Variants in BMP8A observed in about 807,000 individuals in gnomAD.
The protein encoded by BMP8A is bone morphogenetic protein 8a.
BMP8A carries 14 observed loss-of-function variants against 36.8 expected under a neutral mutation model. The observed-to-expected ratio is 0.38, with a 90% CI of 0.25 to 0.60. The LOEUF (loss-of-function observed/expected upper bound fraction) is 0.60. Ranked by LOEUF, BMP8A falls within the 20% of genes least tolerant of loss-of-function variation. BMP8A has a pLI of 0.63. For synonymous variants in BMP8A, 120 were observed against 237.7 expected, an observed-to-expected ratio of 0.50 and a Z score of 4.55; for missense variants, 267 against 551.1, an observed-to-expected ratio of 0.48 and a Z score of 5.16.
chr1:39,514,352 G>A (rs1277673613), intron 3 of BMP8A, among the ~76,000 whole-genome samples: 1,299 of 141,350 alleles, frequency 9.2e-3, no homozygotes, highest in African/African-American at 0.034. Flanking sequence ...GGGGGATGCA[G>A]AGGACAAGAC....
chr1:39,492,365 T>G, intron 1 of BMP8A, 40 bp downstream of exon 1: 1 of 1,497,576 alleles, frequency 6.7e-7, no homozygotes, highest in East Asian at 2.6e-5. Flanking sequence ...CGGAGTAAGC[T>G]GGCTGCAGGG....
intron 1 of BMP8A, among the ~76,000 whole-genome samples, chr1:39,496,053 C>T (rs1645202525): frequency 6.6e-6 from 1 of 152,142 alleles, no homozygotes; most frequent in Non-Finnish European, 1.5e-5. Context: ...GGACCTGGCC[C>T]GGGTCCTGCT....
In BMP8A at chr1:39,492,292, C is replaced by T. The variant is rs755720599; in HGVS notation, c.301C>T (p.Arg101Cys). Residue 101 changes from arginine to cysteine, a missense_variant, in exon 1 of 7, where the codon CGC becomes TGC. Transcript: ENST00000331593. ...CGCGCCCGCGGAGCAGCGCCTGGGC[C>T]GCGCCGACCTGGTCATGAGCTTCGT... ...DGAPAEQRLG[R>C]ADLVMSFVNM... The T allele has an allele frequency of 2.5e-5, 39 of 1,563,770 alleles. No homozygotes were observed. The highest frequency in any genetic ancestry group is 4.3e-5 in the African/African-American group (3 of 70,330).
intron 6 of BMP8A, 84 bp downstream of exon 6, chr1:39,523,201 G>A: frequency 6.8e-7 from 1 of 1,469,644 alleles, no homozygotes. Flanking sequence ...CGGGAGGGCA[G>A]TGAGGCCACC....
chr1:39,497,254 C>T (rs747879001), intron 1 of BMP8A, among the ~76,000 whole-genome samples: 10 of 152,162 alleles, frequency 6.6e-5, no homozygotes, highest in Non-Finnish European at 8.8e-5. Context: ...TTTAATCTTG[C>T]GTGTGCCATT....
In BMP8A at chr1:39,526,289, T is replaced by C. The variant is rs187983712; in HGVS notation, c.*491T>C. Among the ~76,000 whole-genome samples the C allele has an allele frequency of 2.6e-3, 393 of 152,176 alleles. No individual in the cohort carries two copies. The highest frequency in any genetic ancestry group is 3.9e-3 in the Admixed American group (60 of 15,278). ...CTTCTCATTTGGTCCAGGGTGCAGTTAGCATATTAGAAAAAGAATAAGCTG... is the reference window on the plus strand; with the variant it reads ...CTTCTCATTTGGTCCAGGGTGCAGTCAGCATATTAGAAAAAGAATAAGCTG... On this transcript the variant is annotated 3_prime_UTR_variant, in exon 7 of 7. Transcript: ENST00000331593.
In BMP8A at chr1:39,528,590, C is replaced by T. The variant is rs935880153; in HGVS notation, c.*2792C>T. ...TGTTTCTTTGTCTTTACATAGGGAC[C>T]GGGCGATGCGCTTTAGAGAAATTCC... On this transcript the variant is annotated 3_prime_UTR_variant, in exon 7 of 7. Transcript: ENST00000331593. Among the ~76,000 whole-genome samples the T allele has an allele frequency of 2.0e-5, 3 of 152,106 alleles. No individual in the cohort carries two copies. The highest frequency in any genetic ancestry group is 4.4e-5 in the Non-Finnish European group (3 of 68,028).
At chr1:39,508,207 T>A (rs1027186343) in intron 1 of BMP8A, among the ~76,000 whole-genome samples, 2 of 149,556 alleles carry the variant, frequency 1.3e-5, no homozygotes, top group South Asian at 4.2e-4. Flanking sequence ...GCTGAAATCG[T>A]GCCACTGCAC....
rs1322709419 is a variant in BMP8A at position 39,492,220 on chromosome 1, A to T, written c.229A>T (p.Met77Leu). 6.7e-7 allele frequency: 1 copy of T among 1,498,296 alleles called. No homozygotes were observed. The highest frequency in any genetic ancestry group is 1.2e-5 in the South Asian group (1 of 80,220). The allele number at this position is 1,498,296 out of a possible 1,614,324, so 92.8% of individuals were successfully genotyped here. Residue 77 changes from methionine (M) to leucine (L), a missense_variant, in exon 1 of 7, where the codon ATG becomes TTG. By Grantham distance (15) the Met-to-Leu change is conservative. This residue lies in a region of BMP8A where 21 missense variants were observed against 59.2 expected (regional missense o/e 0.35). Transcript: ENST00000331593. ...GCTGCCCGCGTCCGCGCCGCTCTTC[A>T]TGCTGGACCTGTACCACGCCATGGC... ...SRLPASAPLFMLDLYHAMAGD... is the reference protein window; with the variant it reads ...SRLPASAPLFLLDLYHAMAGD...
chr1:39,517,496 A>T (rs899534076), intron 3 of BMP8A, among the ~76,000 whole-genome samples: 20 of 151,618 alleles, frequency 1.3e-4, no homozygotes, highest in African/African-American at 2.9e-4. Context: ...TTGTATATAT[A>T]TTTTTAACAG....
At chr1:39,496,108 G>A (rs1353131640) in intron 1 of BMP8A, among the ~76,000 whole-genome samples, 15 of 152,360 alleles carry the variant, frequency 9.8e-5, no homozygotes, top group South Asian at 4.1e-4. Flanking sequence ...CACCATCTCC[G>A]TGGGCCCCAG....
chr1:39,499,548 G>A lies in BMP8A; in HGVS notation c.334+7223G>A, dbSNP rs373452670. On this transcript the variant is annotated intron_variant, in intron 1 of 6. Coordinates refer to ENST00000331593, the MANE Select transcript of BMP8A (RefSeq NM_181809.4). The stretch of plus-strand genomic sequence containing the variant: ...AATAGCCAGAGCCCTTGTTGATGTC[G>A]AACTGAGGGTCGCAGGGTTTGGCAT... Among the ~76,000 whole-genome samples the A allele has an allele frequency of 4.6e-5, 7 of 152,326 alleles. No individual in the cohort carries two copies. The East Asian group carries it at 5.8e-4, about 13-fold the overall frequency.
Position 39,524,637 on chromosome 1 carries a change from G to A in BMP8A, c.1060-1012G>A, listed in dbSNP as rs1414986195. ...GGTGATGCCGGGGTGAGCCAGGCCAGCTCCCGTAGGGCCTGGGGTTCCCTG... is the reference window on the plus strand; with the variant it reads ...GGTGATGCCGGGGTGAGCCAGGCCAACTCCCGTAGGGCCTGGGGTTCCCTG... On this transcript the variant is annotated intron_variant, in intron 6 of 6. Transcript: ENST00000331593. This position sits in a 1 kb window ranked among gnomAD's most constrained non-coding sequence, Gnocchi z 4.0. Among the ~76,000 whole-genome samples the A allele has an allele frequency of 2.6e-5, 4 of 152,158 alleles. No homozygotes were observed. Among genetic ancestry groups the A allele is most frequent in the African/African-American group, 9.7e-5 (4 of 41,428 alleles).
chr1:39,501,732 G>A (rs549488898), intron 1 of BMP8A, among the ~76,000 whole-genome samples: 4 of 152,234 alleles, frequency 2.6e-5, no homozygotes, highest in African/African-American at 7.2e-5. Context: ...CAAAGTGATG[G>A]GGTTACAGAC....
intron 3 of BMP8A, among the ~76,000 whole-genome samples, chr1:39,518,074 T>C (rs1307583701): frequency 6.6e-6 from 1 of 151,566 alleles, no homozygotes; most frequent in Non-Finnish European, 1.5e-5. Flanking sequence ...GAATCTATAG[T>C]CTCAAAAACT....
chr1:39,509,325 C>A (rs1645330549), intron 1 of BMP8A, among the ~76,000 whole-genome samples: 1 of 152,186 alleles, frequency 6.6e-6, no homozygotes, highest in African/African-American at 2.4e-5. Context: ...TCTGCAGTTC[C>A]TGAACCCACT....
intron 3 of BMP8A, among the ~76,000 whole-genome samples, chr1:39,514,696 C>T (rs1226168468): frequency 1.3e-5 from 2 of 152,146 alleles, no homozygotes; most frequent in Non-Finnish European, 2.9e-5. Flanking sequence ...GCCCTACTCG[C>T]GGAGCCTGAC....
At chr1:39,523,440 A>C (rs1645450544) in intron 6 of BMP8A, 1 of 1,202,398 alleles carries the variant, frequency 8.3e-7, no homozygotes, top group Non-Finnish European at 1.1e-6. Flanking sequence ...CACATGAAAC[A>C]GATGTGTACA....
In BMP8A at chr1:39,497,415, G is replaced by A. The variant is rs151122763; in HGVS notation, c.334+5090G>A. ...CACAGTAGGAACTTCACAAATGGGGGCTGATCGATTGTGCCCCACTTCTGC... is the reference window on the plus strand; with the variant it reads ...CACAGTAGGAACTTCACAAATGGGGACTGATCGATTGTGCCCCACTTCTGC... On this transcript the variant is annotated intron_variant, in intron 1 of 6. Coordinates refer to ENST00000331593, the MANE Select transcript of BMP8A (RefSeq NM_181809.4). Among the ~76,000 whole-genome samples, 430 of 152,288 alleles carry A rather than the reference G, an allele frequency of 2.8e-3. 2 individuals are homozygous for A. Among genetic ancestry groups the A allele is most frequent in the African/African-American group, 0.01 (422 of 41,548 alleles).
Sources: gnomAD v4.1 joint callset for allele counts (sites outside exome capture counted in the v4.1 genomes callset) on GRCh38, gnomAD v4.1.1 for gene constraint, gnomAD v4.1.1 regional missense constraint, Gnocchi (gnomAD v3.1) non-coding constraint, MANE v1.5 for transcripts, NCBI Gene and HGNC (gene_info 2026-07-23, HGNC 2026-07-21) for gene names.